GNAI3: variants seen among roughly 807,000 people sequenced by gnomAD.
GNAI3 encodes the protein G protein subunit alpha i3, also known as guanine nucleotide-binding protein G(i) subunit alpha-3.
In GNAI3, 12 loss-of-function variants were observed where a neutral mutation model predicts 41.8. That is an observed-to-expected ratio of 0.29 (90% CI 0.18 to 0.47). The LOEUF (loss-of-function observed/expected upper bound fraction) is 0.47, where lower values mean the gene tolerates loss of function less well. Among genes scored for constraint, GNAI3 ranks in the 20% least tolerant of loss-of-function variants. The pLI, the probability that GNAI3 is intolerant of heterozygous loss-of-function variation, is 1.00. For missense variants in GNAI3, 360 were observed against 429.6 expected (o/e 0.84, Z 1.43); for synonymous variants, 132 against 146.5 (o/e 0.90, Z 0.71).
At chr1:109,564,707 C>T (rs189876663) in intron 1 of GNAI3, among the ~76,000 whole-genome samples, 4 of 152,288 alleles carry the variant, frequency 2.6e-5, no homozygotes, top group South Asian at 2.1e-4. Flanking sequence ...ACCCTCGATT[C>T]GGTCACAGGA....
Position 109,598,355 on chromosome 1 carries a change from C to T in GNAI3, c.*6033C>T, listed in dbSNP as rs505303. 0.46 allele frequency: 70,166 copies of T among 152,284 alleles called. 18,967 individuals are homozygous for T. Among genetic ancestry groups the T allele is most frequent in the African/African-American group, 0.76 (31,600 of 41,488 alleles). The allele number at this position is 152,284 out of a possible 1,614,324, so 9.4% of individuals were successfully genotyped here. ...TTCTGGTCTTGTCTCTGCTTCCAAC[C>T]AGCTATGGAATCTTGTGTATTCTTT... On this transcript the variant is annotated 3_prime_UTR_variant, in exon 9 of 9. Coordinates refer to ENST00000369851, the MANE Select transcript of GNAI3 (RefSeq NM_006496.4).
chr1:109,562,181 A>G (rs1311806759), intron 1 of GNAI3, among the ~76,000 whole-genome samples: 2 of 152,224 alleles, frequency 1.3e-5, no homozygotes, highest in African/African-American at 4.8e-5. Context: ...GGATTTAACC[A>G]ATGGCAGATC....
intron 4 of GNAI3, among the ~76,000 whole-genome samples, chr1:109,580,421 T>C (rs568289669): frequency 4.6e-5 from 7 of 152,324 alleles, no homozygotes; most frequent in Admixed American, 1.3e-4. Context: ...ATTACTGTTT[T>C]CCTACTTTTC....
intron 7 of GNAI3, among the ~76,000 whole-genome samples, chr1:109,590,855 G>A (rs919749920): frequency 3.3e-5 from 5 of 152,014 alleles, no homozygotes; most frequent in African/African-American, 1.2e-4. Context: ...GTGAGCCACC[G>A]CACCCAGCTC....
At chr1:109,588,172 A>T (rs959848789) in intron 7 of GNAI3, among the ~76,000 whole-genome samples, 2 of 151,922 alleles carry the variant, frequency 1.3e-5, no homozygotes, top group African/African-American at 4.8e-5. Context: ...TGAGGTTAGG[A>T]GATCGAGACC....
In GNAI3 at chr1:109,595,864, T is replaced by C. The variant is rs1649289564; in HGVS notation, c.*3542T>C. On this transcript the variant is annotated 3_prime_UTR_variant, in exon 9 of 9. Coordinates refer to ENST00000369851, the MANE Select transcript of GNAI3 (RefSeq NM_006496.4). ...AAAAATAAGCAACCCTCTACTCATT[T>C]GTATAAACCTAAAACGTCACTGTTT... 6.6e-6 allele frequency: 1 copy of C among 152,178 alleles called. No homozygotes were observed. The highest frequency in any genetic ancestry group is 2.1e-4 in the South Asian group (1 of 4,824). 9.4% of individuals were successfully genotyped at this position (152,178 alleles called of 1,614,324 possible).
intron 1 of GNAI3, among the ~76,000 whole-genome samples, chr1:109,570,547 C>T (rs917118918): frequency 7.9e-5 from 12 of 152,066 alleles, no homozygotes; most frequent in African/African-American, 2.4e-4. Context: ...GAGACTGTGA[C>T]GGGGTGGGAG....
intron 5 of GNAI3, among the ~76,000 whole-genome samples, chr1:109,585,146 T>C (rs1409452012): frequency 6.6e-6 from 1 of 152,236 alleles, no homozygotes; most frequent in African/African-American, 2.4e-5. Context: ...TTAAACCAGT[T>C]TGGCAGAGTT....
intron 1 of GNAI3, among the ~76,000 whole-genome samples, chr1:109,550,096 AT>A (rs1194899903): frequency 1.3e-5 from 2 of 152,158 alleles, no homozygotes; most frequent in Non-Finnish European, 1.5e-5. Context: ...AAAACAATTG[AT>A]TTTTGAGGAA....
At position 109,593,347 on chromosome 1, in the gene GNAI3, C is replaced by T. The variant is rs1414596363; in HGVS notation, c.*1025C>T. ...TACTTTGTAAATGTGGTGCCAAATC[C>T]CTGTTTGCCATCGTTTTTACTGTAC... On this transcript the variant is annotated 3_prime_UTR_variant, in exon 9 of 9. Coordinates refer to ENST00000369851, the MANE Select transcript of GNAI3 (RefSeq NM_006496.4). The T allele has an allele frequency of 6.6e-6, 1 of 152,566 alleles. No individual in the cohort carries two copies. Among genetic ancestry groups the T allele is most frequent in the Non-Finnish European group, 1.5e-5 (1 of 68,024 alleles). The allele number at this position is 152,566 out of a possible 1,614,324, so 9.5% of individuals were successfully genotyped here.
rs35472585 is a variant in GNAI3 at position 109,555,641 on chromosome 1, C to T, written c.118+6803C>T. On this transcript the variant is annotated intron_variant, in intron 1 of 8. Coordinates refer to ENST00000369851, the MANE Select transcript of GNAI3 (RefSeq NM_006496.4). The stretch of plus-strand genomic sequence containing the variant: ...ACAGGGCATGTAAGGTTCTAATAAG[C>T]GCTGCTACTACGTTTCTTTAAAAAA... Among the ~76,000 whole-genome samples the T allele has an allele frequency of 6.3e-3, 956 of 152,052 alleles. 5 individuals are homozygous for T. Among genetic ancestry groups the T allele is most frequent in the Non-Finnish European group, 9.9e-3 (675 of 67,994 alleles).
chr1:109,567,791 G>A (rs1648494701), intron 1 of GNAI3, among the ~76,000 whole-genome samples: 1 of 152,092 alleles, frequency 6.6e-6, no homozygotes, highest in African/African-American at 2.4e-5. Flanking sequence ...TAACATTTAT[G>A]GAACATTTAC....
intron 6 of GNAI3, 21 bp downstream of exon 6, chr1:109,586,366 A>T: frequency 6.2e-7 from 1 of 1,604,840 alleles, no homozygotes; most frequent in South Asian, 1.1e-5. Flanking sequence ...GCTTCTGGTA[A>T]AAAGCCTGTC....
Position 109,573,903 on chromosome 1 carries a change from C to G in GNAI3, c.169C>G (p.His57Asp). 3 of 1,610,624 alleles carry G rather than the reference C, an allele frequency of 1.9e-6. No homozygotes were observed. The highest frequency in any genetic ancestry group is 2.5e-6 in the Non-Finnish European group (3 of 1,177,524). ...STIVKQMKII[H>D]EDGYSEDECK... is the part of the protein sequence containing the mutation. ...GTTTTCTTTGTTTTAAAGAATCATT[C>G]ATGAGGATGGCTATTCAGAGGATGA... Residue 57 changes from histidine to aspartate, a missense_variant, in exon 3 of 9, where the codon CAT (histidine) becomes GAT (aspartate). By Grantham distance (81) the His-to-Asp change is moderately conservative. Coordinates refer to ENST00000369851, the MANE Select transcript of GNAI3 (RefSeq NM_006496.4).
intron 1 of GNAI3, among the ~76,000 whole-genome samples, chr1:109,555,959 C>CGT (rs1290978144): frequency 1.1e-4 from 11 of 96,848 alleles, no homozygotes; most frequent in African/African-American, 3.3e-4. Flanking sequence ...GGAGTGCGTG[C>CGT]GTGCGTGTGT....
chr1:109,586,372 C>T (rs749692477), intron 6 of GNAI3, 27 bp downstream of exon 6: 1 of 1,599,776 alleles, frequency 6.3e-7, no homozygotes, highest in Admixed American at 1.7e-5. Context: ...GGTAAAAAGC[C>T]TGTCTAATGT....
chr1:109,582,549 A>G lies in GNAI3; in HGVS notation c.574A>G (p.Lys192Glu). Residue 192 changes from lysine (K) to glutamate (E), a missense_variant, in exon 5 of 9, where the codon AAA (lysine) becomes GAA (glutamate). Physicochemically the swap from Lys to Glu is moderately conservative, Grantham distance 56 (BLOSUM62 1). Coordinates refer to ENST00000369851, the MANE Select transcript of GNAI3 (RefSeq NM_006496.4). ...TGIVETHFTF[K>E]DLYFKMFDVG... ...CATTGTAGAAACACATTTCACCTTC[A>G]AAGACCTATACTTCAAGTAAGTCAT... 1.9e-6 allele frequency: 3 copies of G among 1,607,668 alleles called. No homozygotes were observed. The highest frequency in any genetic ancestry group is 2.2e-5 in the East Asian group (1 of 44,830).
chr1:109,559,075 G>A (rs1382157351), intron 1 of GNAI3, among the ~76,000 whole-genome samples: 2 of 152,048 alleles, frequency 1.3e-5, no homozygotes, highest in African/African-American at 4.8e-5. Context: ...CCACTTAGGA[G>A]GCTGAGGCGG....
intron 1 of GNAI3, among the ~76,000 whole-genome samples, chr1:109,565,412 A>G (rs529282796): frequency 6.6e-6 from 1 of 152,264 alleles, no homozygotes; most frequent in East Asian, 1.9e-4. Flanking sequence ...GAAGGGAGTG[A>G]GGCTAGTGAG....
Sources: gnomAD v4.1 joint callset for allele counts (sites outside exome capture counted in the v4.1 genomes callset) on GRCh38, gnomAD v4.1.1 for gene constraint, MANE v1.5 for transcripts, NCBI Gene and HGNC (gene_info 2026-07-23, HGNC 2026-07-21) for gene names.